FRMD6: variants seen among roughly 807,000 people sequenced by gnomAD.
FRMD6 encodes FERM domain containing 6, also known as FERM domain-containing protein 6.
Under a neutral mutation model 73.2 loss-of-function variants are expected in FRMD6, and 37 were observed. The ratio of observed to expected loss-of-function variants is 0.51; its 90% confidence interval spans 0.39 to 0.66. The LOEUF is 0.66. Among genes scored for constraint, FRMD6 ranks in the 30% least tolerant of loss-of-function variants. FRMD6 has a pLI of 0.00. For missense variants in FRMD6, 714 were observed against 780.5 expected (o/e 0.91, Z 1.02); for synonymous variants, 273 against 282.2 (o/e 0.97, Z 0.33).
rs2140530123 is a variant in FRMD6 at position 51,712,468 on chromosome 14, A to G, written c.781-15A>G. ...CATTTTTCCCATTAACTCCATATGC[A>G]TATTCTTTTCACAGAATTTAGATGA... On this transcript the variant is annotated splice_polypyrimidine_tract_variant and intron_variant, in intron 8 of 13. Transcript: ENST00000344768. 5.9e-6 allele frequency: 9 copies of G among 1,517,320 alleles called. No homozygotes were observed. The highest frequency in any genetic ancestry group is 1.4e-5 in the African/African-American group (1 of 72,794). The allele number at this position is 1,517,320 out of a possible 1,614,324, so 94.0% of individuals were successfully genotyped here.
chr14:51,539,874 T>C (rs1439138438), intron 1 of FRMD6, among the ~76,000 whole-genome samples: 1 of 152,150 alleles, frequency 6.6e-6, no homozygotes, highest in East Asian at 1.9e-4. Context: ...GTTGAAAAGA[T>C]TCATTTACTT....
At chr14:51,523,168 G>A (rs1006032131) in intron 1 of FRMD6, among the ~76,000 whole-genome samples, 1 of 152,186 alleles carries the variant, frequency 6.6e-6, no homozygotes, top group Admixed American at 6.5e-5. Context: ...ATTTATACAA[G>A]CTGACTATTT....
intron 1 of FRMD6, among the ~76,000 whole-genome samples, chr14:51,556,063 T>C (rs1267326718): frequency 1.3e-5 from 2 of 152,224 alleles, no homozygotes; most frequent in African/African-American, 4.8e-5. Context: ...TAAGTATTGA[T>C]GGCCTTTGTG....
At chr14:51,497,337 C>T (rs1482090353) in intron 1 of FRMD6, among the ~76,000 whole-genome samples, 1 of 151,260 alleles carries the variant, frequency 6.6e-6, no homozygotes, top group East Asian at 1.9e-4. Context: ...GGTCTCTTAT[C>T]ATCTAAACTG....
intron 2 of FRMD6, chr14:51,600,019 AGTT>A (rs1889951551): frequency 6.6e-6 from 1 of 151,390 alleles, no homozygotes; most frequent in Non-Finnish European, 1.5e-5. Context: ...ACCCAAAAAG[AGTT>A]GTTGGAAGAC....
the FRMD6 span, among the ~76,000 whole-genome samples, chr14:51,425,727 C>G: frequency 3.9e-5 from 6 of 152,178 alleles, no homozygotes; most frequent in African/African-American, 1.4e-4. Flanking sequence ...AGATAACCTA[C>G]CCCAGACCAC....
At chr14:51,459,884 CT>C in the FRMD6 span, among the ~76,000 whole-genome samples, 601 of 74,648 alleles carry the variant, frequency 8.1e-3, 14 homozygotes, top group African/African-American at 0.032. Context: ...TACTGACTCT[CT>C]TTTTTTTTTT....
intron 1 of FRMD6, among the ~76,000 whole-genome samples, chr14:51,508,856 C>G (rs1340898541): frequency 6.6e-6 from 1 of 152,222 alleles, no homozygotes; most frequent in Non-Finnish European, 1.5e-5. Flanking sequence ...GCCTTTCACT[C>G]TCTTCCCACC....
At chr14:51,505,431 G>T (rs1033319501) in intron 1 of FRMD6, among the ~76,000 whole-genome samples, 7 of 152,056 alleles carry the variant, frequency 4.6e-5, no homozygotes, top group African/African-American at 1.7e-4. Flanking sequence ...GCACTTCCTA[G>T]AGAAGGGAAA....
intron 2 of FRMD6, among the ~76,000 whole-genome samples, chr14:51,696,778 TCTGTC>T (rs1895968463): frequency 6.7e-6 from 1 of 149,596 alleles, no homozygotes. Context: ...CGATTGAGAC[TCTGTC>T]TTTAAAAAAA....
intron 2 of FRMD6, among the ~76,000 whole-genome samples, chr14:51,630,841 A>G (rs149012820): frequency 6.6e-6 from 1 of 152,238 alleles, no homozygotes. Flanking sequence ...GGGATTTTAC[A>G]ATGGCCAATT....
intron 1 of FRMD6, among the ~76,000 whole-genome samples, chr14:51,506,757 C>G (rs1883985849): frequency 6.6e-6 from 1 of 152,102 alleles, no homozygotes; most frequent in Non-Finnish European, 1.5e-5. Flanking sequence ...TATCAATAAC[C>G]TAGTGACAGC....
chr14:51,674,842 G>A (rs993918291), intron 1 of FRMD6, among the ~76,000 whole-genome samples: 3 of 152,112 alleles, frequency 2.0e-5, no homozygotes, highest in Non-Finnish European at 4.4e-5. Context: ...CAGTAAATAG[G>A]TAGGTCAAAT....
the FRMD6 span, among the ~76,000 whole-genome samples, chr14:51,437,725 G>A: frequency 3.9e-5 from 6 of 152,034 alleles, no homozygotes; most frequent in Non-Finnish European, 7.4e-5. Context: ...TCTACACCAT[G>A]GTTCTCAACT....
Position 51,634,876 on chromosome 14 carries a change from TA to T in FRMD6, c.-146-54814del, listed in dbSNP as rs555202916. 2.3e-3 allele frequency among the ~76,000 whole-genome samples: 346 copies of T among 152,364 alleles called. 3 individuals carry two copies. Among genetic ancestry groups the T allele is most frequent in the Middle Eastern group, 6.8e-3 (2 of 294 alleles). On this transcript the variant is annotated intron_variant, in intron 2 of 14. Coordinates refer to the FRMD6 transcript ENST00000356218. ...AAAACGTTAGATTAAATTATCTATA[TA>T]TTTTTTCCAGGTCTAAAATAGAGTC...
chr14:51,532,237 C>T (rs1364605003), intron 1 of FRMD6, among the ~76,000 whole-genome samples: 5 of 151,840 alleles, frequency 3.3e-5, no homozygotes, highest in East Asian at 3.9e-4. Flanking sequence ...GGCGTGGTGG[C>T]GGGCACCTGT....
chr14:51,605,369 T>C (rs1890215212), intron 2 of FRMD6, among the ~76,000 whole-genome samples: 1 of 152,106 alleles, frequency 6.6e-6, no homozygotes, highest in Non-Finnish European at 1.5e-5. Context: ...CAAGCATCTG[T>C]TTAACAAAGC....
chr14:51,591,802 A>C (rs930292267), intron 2 of FRMD6, among the ~76,000 whole-genome samples: 1 of 152,158 alleles, frequency 6.6e-6, no homozygotes, highest in Non-Finnish European at 1.5e-5. Context: ...TGGCCTCCCA[A>C]AGTGCTGGGA....
the FRMD6 span, among the ~76,000 whole-genome samples, chr14:51,476,273 G>A: frequency 3.0e-4 from 45 of 152,298 alleles, 1 homozygote; most frequent in South Asian, 8.9e-3. Flanking sequence ...GAAGGCAGGG[G>A]CCAACGCATG....
Sources: gnomAD v4.1 joint callset for allele counts (sites outside exome capture counted in the v4.1 genomes callset) on GRCh38, gnomAD v4.1.1 for gene constraint, MANE v1.5 for transcripts, NCBI Gene and HGNC (gene_info 2026-07-23, HGNC 2026-07-21) for gene names.